The following SCN2A variants were observed in gnomAD, a reference collection of about 807,000 sequenced individuals.
SCN2A encodes the protein sodium channel protein type 2 subunit alpha.
Under a neutral mutation model 188.7 loss-of-function variants are expected in SCN2A, and 20 were observed. That is an observed-to-expected ratio of 0.11 (90% CI 0.07 to 0.15). The LOEUF is 0.15. Ranked by LOEUF, SCN2A falls within the 10% of genes least tolerant of loss-of-function variation. SCN2A has a pLI of 1.00. For missense variants in SCN2A, 1,278 were observed against 2,445.0 expected, an observed-to-expected ratio of 0.52 and a Z score of 10.07; for synonymous variants, 804 against 833.1, an observed-to-expected ratio of 0.97 and a Z score of 0.60.
At chr2:165,364,141 T>A (rs986630208) in intron 17 of SCN2A, among the ~76,000 whole-genome samples, 2 of 152,194 alleles carry the variant, frequency 1.3e-5, no homozygotes, top group Non-Finnish European at 1.5e-5. Context: ...CTCATCCTTT[T>A]TATAAAGTAT....
At chr2:165,331,638 G>A in intron 14 of SCN2A, 70 bp downstream of exon 14, 11 of 1,196,648 alleles carry the variant, frequency 9.2e-6, no homozygotes, top group South Asian at 7.5e-5. Flanking sequence ...TTTACATATT[G>A]CTCTCAAATT....
At chr2:165,324,896 T>G (rs930798336) in intron 12 of SCN2A, among the ~76,000 whole-genome samples, 1 of 152,174 alleles carries the variant, frequency 6.6e-6, no homozygotes, top group Non-Finnish European at 1.5e-5. Flanking sequence ...CATAAACACT[T>G]TCATTTTAAC....
intron 17 of SCN2A, among the ~76,000 whole-genome samples, chr2:165,360,120 T>C (rs1263338813): frequency 6.6e-6 from 1 of 151,962 alleles, no homozygotes; most frequent in African/African-American, 2.4e-5. Context: ...AAAATCTCTC[T>C]CTCTTTTCCC....
At chr2:165,388,068 G>T (rs191336381) in intron 26 of SCN2A, among the ~76,000 whole-genome samples, 155 of 152,220 alleles carry the variant, frequency 1.0e-3, no homozygotes, top group African/African-American at 3.6e-3. Flanking sequence ...AAAAGACTTA[G>T]TAAATGTTCA....
intron 17 of SCN2A, among the ~76,000 whole-genome samples, chr2:165,358,331 C>CCCT (rs1700283596): frequency 6.6e-6 from 1 of 152,030 alleles, no homozygotes; most frequent in Admixed American, 6.6e-5. Context: ...TTAAAGCAAT[C>CCCT]CCTTATTCAT....
At chr2:165,307,782 A>G (rs762693138) in intron 3 of SCN2A, 66 bp from the exon 4 acceptor site, 15 of 992,834 alleles carry the variant, frequency 1.5e-5, no homozygotes, top group Non-Finnish European at 2.4e-5. Flanking sequence ...CATGGTGGTG[A>G]AGGCATGGTA....
intron 5 of SCN2A, 101 bp from the exon 6 acceptor site, chr2:165,309,251 T>C (rs1697300213): frequency 1.9e-6 from 3 of 1,613,474 alleles, no homozygotes; most frequent in African/African-American, 1.3e-5. Flanking sequence ...ATTTCTGTAA[T>C]TCCAGGTAAG....
intron 1 of SCN2A, among the ~76,000 whole-genome samples, chr2:165,291,874 C>T (rs745715946): frequency 2.6e-5 from 4 of 151,850 alleles, no homozygotes; most frequent in Non-Finnish European, 5.9e-5. Flanking sequence ...CAATCAAAGA[C>T]GGCATTACCC....
intron 16 of SCN2A, among the ~76,000 whole-genome samples, chr2:165,351,469 A>G (rs1340942590): frequency 6.6e-6 from 1 of 152,130 alleles, no homozygotes; most frequent in Non-Finnish European, 1.5e-5. Flanking sequence ...ATATGGTAGC[A>G]GTTCAAAGAA....
chr2:165,308,797 A>G lies in SCN2A; in HGVS notation c.605+3A>G, dbSNP rs778554811. On this transcript the variant is annotated splice_donor_region_variant and intron_variant, in intron 5 of 26. Coordinates refer to ENST00000375437, the MANE Select transcript of SCN2A (RefSeq NM_001040142.2). ...GATTTCACAGTCATTACTTTTGCGT[A>G]AGTATCTTAATACATTTTCTATCCT... 6 of 1,612,600 alleles carry G rather than the reference A, an allele frequency of 3.7e-6. No homozygotes were observed. The highest frequency in any genetic ancestry group is 5.1e-6 in the Non-Finnish European group (6 of 1,178,912).
intron 19 of SCN2A, among the ~76,000 whole-genome samples, chr2:165,368,745 C>T (rs958765775): frequency 3.0e-4 from 45 of 152,064 alleles, no homozygotes; most frequent in African/African-American, 1.1e-3. Flanking sequence ...AATGTGGTTG[C>T]ATTCCTTTTA....
chr2:165,303,272 T>G (rs1696923556), intron 3 of SCN2A, among the ~76,000 whole-genome samples: 2 of 16,902 alleles, frequency 1.2e-4, no homozygotes, highest in African/African-American at 5.3e-4. Flanking sequence ...TTATTTGAGT[T>G]TTTTTTTTTT....
intron 1 of SCN2A, among the ~76,000 whole-genome samples, chr2:165,259,931 A>ATTTGTTTTTTT (rs1694499587): frequency 1.1e-5 from 1 of 89,494 alleles, no homozygotes; most frequent in African/African-American, 4.6e-5. Context: ...CTAAAAATGG[A>ATTTGTTTTTTT]TTTTTTTTTT....
chr2:165,313,568 T>C lies in SCN2A; in HGVS notation c.1035-52T>C, dbSNP rs1389670602. On this transcript the variant is annotated intron_variant, in intron 8 of 26. Transcript: ENST00000375437. ...GCATATATTAAAACAGGAAAACCAA[T>C]TAGCAGACTTGCCGTTATTGACTTC... 3 of 1,607,356 alleles carry C rather than the reference T, an allele frequency of 1.9e-6. No individual in the cohort carries two copies. In the East Asian group the frequency reaches 6.7e-5, roughly 36 times the overall value.
intron 1 of SCN2A, among the ~76,000 whole-genome samples, chr2:165,282,030 A>G (rs1432748811): frequency 6.6e-6 from 1 of 152,006 alleles, no homozygotes; most frequent in African/African-American, 2.4e-5. Context: ...TCCAGCAACT[A>G]TTGCCACCCT....
chr2:165,362,080 A>G (rs931024208), intron 17 of SCN2A, among the ~76,000 whole-genome samples: 4 of 152,044 alleles, frequency 2.6e-5, no homozygotes, highest in African/African-American at 9.7e-5. Flanking sequence ...CATTTACCCA[A>G]AATTTATTAA....
intron 16 of SCN2A, among the ~76,000 whole-genome samples, 165 bp from the exon 17 acceptor site, chr2:165,354,027 G>A (rs1230109302): frequency 6.6e-6 from 1 of 152,110 alleles, no homozygotes; most frequent in Non-Finnish European, 1.5e-5. Context: ...TATTGACCAA[G>A]CATTTTTATT....
chr2:165,251,730 C>G (rs1378391067), intron 1 of SCN2A, among the ~76,000 whole-genome samples: 1 of 152,012 alleles, frequency 6.6e-6, no homozygotes, highest in Non-Finnish European at 1.5e-5. Flanking sequence ...CCTAATATAC[C>G]TTTGTAAATA....
At chr2:165,272,491 T>C (rs1271918782) in intron 1 of SCN2A, 3 of 152,106 alleles carry the variant, frequency 2.0e-5, no homozygotes, top group Middle Eastern at 3.4e-3. Context: ...TTGAATAACA[T>C]TATCAGGGAT....
Sources: gnomAD v4.1 joint callset for allele counts (sites outside exome capture counted in the v4.1 genomes callset) on GRCh38, gnomAD v4.1.1 for gene constraint, MANE v1.5 for transcripts, NCBI Gene and HGNC (gene_info 2026-07-23, HGNC 2026-07-21) for gene names.